GARRE1: variants seen among roughly 807,000 people sequenced by gnomAD.
GARRE1 encodes the protein granule associated Rac and RHOG effector protein 1.
Under a neutral mutation model 103.2 loss-of-function variants are expected in GARRE1, and 49 were observed. That is an observed-to-expected ratio of 0.47 (90% confidence interval 0.38 to 0.60). The LOEUF (loss-of-function observed/expected upper bound fraction) is 0.60, where lower values mean the gene tolerates loss of function less well. Among genes scored for constraint, GARRE1 ranks in the 20% least tolerant of loss-of-function variants. The pLI, the probability that GARRE1 is intolerant of heterozygous loss-of-function variation, is 0.00. For missense variants in GARRE1, 1,199 were observed against 1,370.5 expected (o/e 0.87, Z 1.98); for synonymous variants, 505 against 532.8 (o/e 0.95, Z 0.72).
chr19:34,312,395 G>T (rs561589265), intron 2 of GARRE1, among the ~76,000 whole-genome samples: 57 of 152,204 alleles, frequency 3.7e-4, no homozygotes, highest in Admixed American at 3.5e-3. Context: ...TCCATCTCTA[G>T]AACTTTCTTA....
chr19:34,277,093 A>T (rs1004710597), intron 1 of GARRE1, among the ~76,000 whole-genome samples: 1 of 152,116 alleles, frequency 6.6e-6, no homozygotes, highest in Non-Finnish European at 1.5e-5. Context: ...AGCTTTCTGG[A>T]TAGAGGCAGC....
intron 1 of GARRE1, among the ~76,000 whole-genome samples, chr19:34,258,824 C>G (rs921563829): frequency 6.6e-6 from 1 of 151,214 alleles, no homozygotes; most frequent in Non-Finnish European, 1.5e-5. Flanking sequence ...CACTTCTTTG[C>G]GAGGACAAGG....
intron 2 of GARRE1, among the ~76,000 whole-genome samples, chr19:34,302,738 T>G (rs1568536423): frequency 9.6e-6 from 1 of 104,556 alleles, no homozygotes; most frequent in African/African-American, 5.6e-5. Flanking sequence ...CTTTGATAGT[T>G]TTTTTTTTTT....
intron 3 of GARRE1, among the ~76,000 whole-genome samples, chr19:34,323,924 A>G (rs2074100665): frequency 6.6e-6 from 1 of 151,990 alleles, no homozygotes; most frequent in Admixed American, 6.6e-5. Context: ...CCCCTACTAC[A>G]CTGAGCAAAT....
Position 34,342,447 on chromosome 19 carries a change from A to G in GARRE1, c.2513A>G (p.Asp838Gly), listed in dbSNP as rs184953881. 1.1e-5 allele frequency: 17 copies of G among 1,610,652 alleles called. No homozygotes were observed. In the East Asian group the frequency reaches 3.3e-4, roughly 32 times the overall value. The change falls in exon 10 of 14, where the codon GAT (aspartate) becomes GGT (glycine). Residue 838 changes from aspartate (D) to glycine (G), a missense_variant. Coordinates refer to ENST00000299505, the MANE Select transcript of GARRE1 (RefSeq NM_014686.5). ...ATGCTGGGAGAGATTCTGCCTTTTG[A>G]TCCTGCAGGTATGTGAGGCCTCCCA... ...FGMLGEILPF[D>G]PAVGSDPEFA...
intron 2 of GARRE1, among the ~76,000 whole-genome samples, chr19:34,307,769 T>G (rs1222427140): frequency 1.4e-5 from 2 of 138,664 alleles, no homozygotes; most frequent in Admixed American, 7.7e-5. Context: ...ATAGTATATA[T>G]ATACTATAAA....
chr19:34,283,118 G>A (rs1474296098), intron 1 of GARRE1, among the ~76,000 whole-genome samples: 1 of 152,182 alleles, frequency 6.6e-6, no homozygotes, highest in Admixed American at 6.5e-5. Flanking sequence ...TCCCATTTCT[G>A]ACAGTAGGAC....
intron 6 of GARRE1, 107 bp downstream of exon 6, chr19:34,328,258 G>C: frequency 2.3e-6 from 3 of 1,288,018 alleles, no homozygotes; most frequent in Non-Finnish European, 3.2e-6. Flanking sequence ...AAATGGGGCC[G>C]GGCGTGGTGG....
intron 1 of GARRE1, among the ~76,000 whole-genome samples, chr19:34,269,500 T>A (rs1051781554): frequency 5.9e-5 from 9 of 152,236 alleles, no homozygotes; most frequent in Admixed American, 2.6e-4. Flanking sequence ...CTTCGGATTT[T>A]GTCAACCAAT....
intron 8 of GARRE1, among the ~76,000 whole-genome samples, chr19:34,336,149 C>T (rs1157598755): frequency 1.3e-5 from 2 of 152,008 alleles, no homozygotes; most frequent in Admixed American, 6.6e-5. Context: ...TGCCATCATG[C>T]CTGGCTAATT....
At chr19:34,341,319 AG>A in intron 9 of GARRE1, 102 bp from the exon 10 acceptor site, 1 of 916,270 alleles carries the variant, frequency 1.1e-6, no homozygotes, top group Admixed American at 2.7e-5. Context: ...CCAACCTGAG[AG>A]GTTTTTCTTG....
At chr19:34,311,759 T>C (rs1469905588) in intron 2 of GARRE1, among the ~76,000 whole-genome samples, 1 of 151,970 alleles carries the variant, frequency 6.6e-6, no homozygotes, top group Non-Finnish European at 1.5e-5. Context: ...TACAGGCGTG[T>C]GCCACCACAC....
rs1011182501 is a variant in GARRE1, at chr19:34,353,992, G to C, written c.*1037G>C. 1.3e-5 allele frequency: 2 copies of C among 152,514 alleles called. No homozygotes were observed. Among genetic ancestry groups the C allele is most frequent in the African/African-American group, 2.4e-5 (1 of 41,410 alleles). 9.4% of individuals were successfully genotyped at this position (152,514 alleles called of 1,614,324 possible). On this transcript the variant is annotated 3_prime_UTR_variant, in exon 14 of 14. Coordinates refer to ENST00000299505, the MANE Select transcript of GARRE1 (RefSeq NM_014686.5). ...AATAGATAACATCCTGTGGATTTAG[G>C]GATATTTTCCAGCCAGAATGGATCC...
chr19:34,302,736 GT>G (rs35460135), intron 2 of GARRE1, among the ~76,000 whole-genome samples: 19,902 of 129,002 alleles, frequency 0.15, 2,266 homozygotes, highest in African/African-American at 0.33. Context: ...GTCTTTGATA[GT>G]TTTTTTTTTT....
Position 34,353,535 on chromosome 19 carries a change from C to G in GARRE1, c.*580C>G. The G allele has an allele frequency of 6.6e-6, 1 of 152,506 alleles. No individual in the cohort carries two copies. Among genetic ancestry groups the G allele is most frequent in the East Asian group, 1.9e-4 (1 of 5,198 alleles). The allele number at this position is 152,506 out of a possible 1,614,324, so 9.4% of individuals were successfully genotyped here. A position where few individuals can be genotyped will look rare whatever the true frequency, so the allele number is the denominator to read the frequency against. ...TTGTTTAACACTATCTATATTTAAGCTTATACAAAATGGGCAAAATATAGA... is the reference window on the plus strand; with the variant it reads ...TTGTTTAACACTATCTATATTTAAGGTTATACAAAATGGGCAAAATATAGA... On this transcript the variant is annotated 3_prime_UTR_variant, in exon 14 of 14. Transcript: ENST00000299505.
At chr19:34,344,456 T>G (rs1016184730) in intron 10 of GARRE1, among the ~76,000 whole-genome samples, 1 of 150,924 alleles carries the variant, frequency 6.6e-6, no homozygotes, top group Non-Finnish European at 1.5e-5. Context: ...CCGGGCGTAG[T>G]GGCGGGCGCC....
At chr19:34,275,881 A>G (rs958807873) in intron 1 of GARRE1, among the ~76,000 whole-genome samples, 1 of 152,204 alleles carries the variant, frequency 6.6e-6, no homozygotes, top group Non-Finnish European at 1.5e-5. Flanking sequence ...CATTTTGTCA[A>G]CACTTGTTAT....
intron 7 of GARRE1, among the ~76,000 whole-genome samples, chr19:34,332,475 T>A (rs2074142259): frequency 6.6e-6 from 1 of 152,216 alleles, no homozygotes; most frequent in African/African-American, 2.4e-5. Flanking sequence ...AGTTCCATGT[T>A]ATTCAGAGAG....
chr19:34,271,341 C>T (rs1356547878), intron 1 of GARRE1, among the ~76,000 whole-genome samples: 8 of 151,162 alleles, frequency 5.3e-5, no homozygotes, highest in South Asian at 2.1e-4. Flanking sequence ...CTCTGTCTCC[C>T]GGGTTCAAGC....
Sources: gnomAD v4.1 joint callset for allele counts (sites outside exome capture counted in the v4.1 genomes callset) on GRCh38, gnomAD v4.1.1 for gene constraint, MANE v1.5 for transcripts, NCBI Gene and HGNC (gene_info 2026-07-23, HGNC 2026-07-21) for gene names.